Variants in AGBL4 observed in about 807,000 individuals in gnomAD.
AGBL4 encodes the protein cytosolic carboxypeptidase 6.
A neutral mutation model predicts 66.4 loss-of-function variants in AGBL4; 58 were observed. That is an observed-to-expected ratio of 0.87 (90% confidence interval 0.71 to 1.09). The LOEUF is 1.09. AGBL4 is among the 50% of genes least tolerant of loss of function. The pLI is 0.00. For synonymous variants in AGBL4, 234 were observed against 222.9 expected, an observed-to-expected ratio of 1.05 and a Z score of -0.44; for missense variants, 579 against 631.0, an observed-to-expected ratio of 0.92 and a Z score of 0.88.
intron 2 of AGBL4, among the ~76,000 whole-genome samples, chr1:49,833,334 T>C (rs540233827): frequency 0.023 from 3,543 of 151,320 alleles, 112 homozygotes; most frequent in African/African-American, 0.081. Context: ...GAGGGCTCTG[T>C]TCTGTTCCAT....
intron 4 of AGBL4, among the ~76,000 whole-genome samples, chr1:49,239,070 C>T (rs528499465): frequency 2.0e-5 from 3 of 152,042 alleles, no homozygotes; most frequent in Non-Finnish European, 2.9e-5. Flanking sequence ...TAATATTTTA[C>T]CTTTTCTTTT....
At chr1:48,863,173 G>A (rs760321543) in intron 6 of AGBL4, among the ~76,000 whole-genome samples, 24 of 152,158 alleles carry the variant, frequency 1.6e-4, no homozygotes, top group Non-Finnish European at 3.2e-4. Context: ...TTATGTGGCT[G>A]AAAGAATGCT....
rs544886520 is a variant in AGBL4, at chr1:49,509,952, T to C, written c.282+187361A>G. On this transcript the variant is annotated intron_variant, in intron 3 of 13. Transcript: ENST00000371839. ...TAGGAAGAAAACTACTGAACTCTTG[T>C]ATCTCAATCTGACAATTCAGCCTTT... Among the ~76,000 whole-genome samples the C allele has an allele frequency of 1.4e-4, 21 of 152,184 alleles. No individual in the cohort carries two copies. The East Asian group carries it at 2.7e-3, about 20-fold the overall frequency.
chr1:48,759,213 C>T, intron 6 of AGBL4: 1 of 1,605,708 alleles, frequency 6.2e-7, no homozygotes, highest in South Asian at 1.1e-5. Context: ...GGCCGTTCTG[C>T]TTCTCTAGCC....
intron 2 of AGBL4, among the ~76,000 whole-genome samples, chr1:49,788,134 G>T (rs1045327602): frequency 6.6e-6 from 1 of 152,074 alleles, no homozygotes; most frequent in Non-Finnish European, 1.5e-5. Flanking sequence ...ACACACAAAG[G>T]ACTTTTCTTG....
chr1:49,713,143 T>G (rs1418811247), intron 2 of AGBL4, among the ~76,000 whole-genome samples: 36 of 152,076 alleles, frequency 2.4e-4, no homozygotes, highest in Admixed American at 2.4e-3. Flanking sequence ...GTAAATTCAC[T>G]GGACATAAGC....
chr1:49,825,755 G>T (rs989234456), intron 2 of AGBL4, among the ~76,000 whole-genome samples: 3 of 152,000 alleles, frequency 2.0e-5, no homozygotes, highest in African/African-American at 7.3e-5. Context: ...TGCAGAACTG[G>T]CTCTTCCCTG....
chr1:49,899,795 C>A (rs952644907), intron 1 of AGBL4, among the ~76,000 whole-genome samples: 1 of 152,156 alleles, frequency 6.6e-6, no homozygotes, highest in Non-Finnish European at 1.5e-5. Context: ...AATCCCAGCA[C>A]TTTGGGAGGC....
intron 3 of AGBL4, among the ~76,000 whole-genome samples, chr1:49,335,494 A>C (rs1252016563): frequency 6.6e-6 from 1 of 152,022 alleles, no homozygotes; most frequent in Non-Finnish European, 1.5e-5. Flanking sequence ...TTCCTAACAC[A>C]CGTAGAATAA....
At chr1:49,880,023 A>G (rs1647167856) in intron 1 of AGBL4, among the ~76,000 whole-genome samples, 1 of 150,646 alleles carries the variant, frequency 6.6e-6, no homozygotes, top group Admixed American at 6.6e-5. Context: ...AGCTCCTTTA[A>G]GCACTTCTCT....
At chr1:49,524,691 T>C (rs757148659) in intron 3 of AGBL4, among the ~76,000 whole-genome samples, 1 of 152,008 alleles carries the variant, frequency 6.6e-6, no homozygotes, top group Non-Finnish European at 1.5e-5. Flanking sequence ...CATCCCTCTC[T>C]GCCCAGGAAA....
At chr1:49,983,708 T>A (rs1290128240) in intron 1 of AGBL4, among the ~76,000 whole-genome samples, 1 of 152,258 alleles carries the variant, frequency 6.6e-6, no homozygotes, top group African/African-American at 2.4e-5. Context: ...ACTTTGATCA[T>A]GAACATTTTT....
intron 5 of AGBL4, among the ~76,000 whole-genome samples, chr1:48,937,068 G>A (rs534652647): frequency 7.9e-5 from 12 of 152,182 alleles, no homozygotes; most frequent in Non-Finnish European, 1.2e-4. Flanking sequence ...AATCAAGGCC[G>A]GAAGTAAGAA....
chr1:49,372,440 C>T (rs1411847950), intron 3 of AGBL4, among the ~76,000 whole-genome samples: 1 of 152,024 alleles, frequency 6.6e-6, no homozygotes, highest in African/African-American at 2.4e-5. Context: ...AATTCCTTTC[C>T]CATAAAGCCT....
chr1:49,340,581 A>G (rs1645519602), intron 3 of AGBL4, among the ~76,000 whole-genome samples: 1 of 152,130 alleles, frequency 6.6e-6, no homozygotes, highest in Non-Finnish European at 1.5e-5. Context: ...CTCAACTTAA[A>G]TTTCTCTCCT....
chr1:49,927,600 C>A (rs931271347), intron 1 of AGBL4, among the ~76,000 whole-genome samples: 8 of 150,860 alleles, frequency 5.3e-5, no homozygotes, highest in Non-Finnish European at 7.4e-5. Flanking sequence ...ATGGGGATTA[C>A]AATTCAAGAT....
chr1:49,950,065 C>CATATATATACACATATGTGT (rs1183225620), intron 1 of AGBL4, among the ~76,000 whole-genome samples: 84 of 137,204 alleles, frequency 6.1e-4, no homozygotes, highest in Middle Eastern at 8.2e-3. Flanking sequence ...TATATACACA[C>CATATATATACACATATGTGT]ATATATATAC....
At chr1:49,577,351 C>T (rs759896317) in intron 3 of AGBL4, among the ~76,000 whole-genome samples, 7 of 152,210 alleles carry the variant, frequency 4.6e-5, no homozygotes, top group Non-Finnish European at 8.8e-5. Flanking sequence ...CACATGGGCT[C>T]AGCAACATGG....
chr1:49,044,458 T>C (rs1644025649), intron 5 of AGBL4, among the ~76,000 whole-genome samples: 1 of 151,272 alleles, frequency 6.6e-6, no homozygotes, highest in South Asian at 2.1e-4. Flanking sequence ...ATCTTGCCAC[T>C]GCACTCCAGC....
Sources: allele counts gnomAD v4.1 joint callset (sites outside exome capture counted in the v4.1 genomes callset), GRCh38; gene constraint gnomAD v4.1.1; transcripts MANE v1.5; gene names NCBI Gene and HGNC (gene_info 2026-07-23, HGNC 2026-07-21).